The following TAL1 variants were observed in gnomAD, a reference collection of about 807,000 sequenced individuals.
TAL1 encodes T-cell acute lymphocytic leukemia protein 1.
Under a neutral mutation model 17.9 loss-of-function variants are expected in TAL1, and 8 were observed. The observed-to-expected ratio is 0.45, with a 90% CI of 0.26 to 0.81. The LOEUF is 0.81. Ranked by LOEUF, TAL1 falls within the 30% of genes least tolerant of loss-of-function variation. The probability of loss-of-function intolerance (pLI) is 0.17; values close to 1 mark genes in which losing one functional copy is unlikely to be tolerated. For synonymous variants in TAL1, 223 were observed against 218.6 expected, an observed-to-expected ratio of 1.02 and a Z score of -0.18; for missense variants, 466 against 486.9, an observed-to-expected ratio of 0.96 and a Z score of 0.40.
At chr1:47,220,763 A>G (rs1643773794) in intron 3 of TAL1, among the ~76,000 whole-genome samples, 2 of 152,220 alleles carry the variant, frequency 1.3e-5, no homozygotes, top group Admixed American at 1.3e-4. Context: ...TCCATGTATC[A>G]GTTTTTTGCT....
At chr1:47,230,357 A>AT (rs1643989469), upstream of TAL1, 1 of 152,196 alleles carries the variant, frequency 6.6e-6, no homozygotes, top group African/African-American at 2.4e-5. Context: ...GAAGTCTTGG[A>AT]TTAACTGCGA....
At chr1:47,220,313 A>G in intron 3 of TAL1, 139 bp from the exon 5 acceptor site, 2 of 1,348,806 alleles carry the variant, frequency 1.5e-6, no homozygotes, top group Non-Finnish European at 1.9e-6. Flanking sequence ...TTCAAATTCA[A>G]GTTCCTGTGC....
Position 47,217,815 on chromosome 1 carries a change from C to T in TAL1, c.*1905G>A, listed in dbSNP as rs191327744. ...ACGGTGAAGCAAACAGCCTTAGATC[C>T]TACAGCAATGACTCTATCTTTAGAC... On this transcript the variant is annotated 3_prime_UTR_variant, in exon 4 of 4. Coordinates refer to ENST00000294339, the Ensembl canonical transcript of TAL1. The T allele has an allele frequency of 1.9e-3, 743 of 398,498 alleles. 2 individuals are homozygous for T. The highest frequency in any genetic ancestry group is 6.9e-3 in the Middle Eastern group (11 of 1,586). The allele number at this position is 398,498 out of a possible 1,614,324, so 24.7% of individuals were successfully genotyped here.
exon 1 of TAL1, chr1:47,229,509 A>G (rs1027610331): frequency 5.8e-6 from 1 of 172,182 alleles, no homozygotes; most frequent in Non-Finnish European, 1.3e-5. Context: ...TCCGCCCCCA[A>G]CCTGCAGGTG....
chr1:47,226,355 G>C (rs924798193), intron 1 of TAL1: 1 of 156,370 alleles, frequency 6.4e-6, no homozygotes, highest in East Asian at 1.9e-4. Context: ...GCAGGGGTTC[G>C]TTGCTTTAGG....
chr1:47,226,210 A>C, intron 1 of TAL1: 1 of 360,068 alleles, frequency 2.8e-6, no homozygotes. Context: ...AGAAACACAG[A>C]AGGGGAAATC....
At chr1:47,221,275 C>T (rs1387404147) in intron 3 of TAL1, among the ~76,000 whole-genome samples, 3 of 152,206 alleles carry the variant, frequency 2.0e-5, no homozygotes, top group Non-Finnish European at 4.4e-5. Flanking sequence ...GAAGACACAG[C>T]TATGCACAGC....
rs774267136 is a variant in TAL1 at position 47,220,152 on chromosome 1, C to T, written c.564G>A (p.Arg188=). 3 of 1,580,830 alleles carry T rather than the reference C, an allele frequency of 1.9e-6. No individual in the cohort carries two copies. In the South Asian group the frequency reaches 3.4e-5, roughly 18 times the overall value. Reference sequence around the variant, plus strand: ...GCTCCCGGCTGTTGGTGAAGATACGCCGCACAACTTTGGTGTGGGGACCTG... The same window carrying T: ...GCTCCCGGCTGTTGGTGAAGATACGTCGCACAACTTTGGTGTGGGGACCTG... The change falls in exon 4 of 4, where the codon CGG becomes CGA. Residue 188 remains arginine (R), a synonymous_variant. Coordinates refer to ENST00000294339, the Ensembl canonical transcript of TAL1.
chr1:47,225,543 C>G, exon 2 of TAL1: 1 of 1,270,456 alleles, frequency 7.9e-7, no homozygotes, highest in East Asian at 3.2e-5. Context: ...ACCATGCGGC[C>G]GTCGCCGGGC....
At chr1:47,228,424 C>T (rs1205100878) in intron 1 of TAL1, 5 of 194,706 alleles carry the variant, frequency 2.6e-5, no homozygotes, top group Admixed American at 6.1e-5. Context: ...GAGTATTTGA[C>T]GACTACAGCT....
chr1:47,226,912 G>A (rs1360383458), intron 1 of TAL1, among the ~76,000 whole-genome samples: 1 of 152,172 alleles, frequency 6.6e-6, no homozygotes, highest in Admixed American at 6.5e-5. Flanking sequence ...TTGGGAAATG[G>A]GAGGAATACC....
intron 3 of TAL1, among the ~76,000 whole-genome samples, chr1:47,222,363 C>T (rs192672589): frequency 1.3e-5 from 2 of 152,248 alleles, no homozygotes; most frequent in East Asian, 3.9e-4. Flanking sequence ...GCTGGGTAAC[C>T]TCTCTCAGCC....
intron 3 of TAL1, among the ~76,000 whole-genome samples, chr1:47,221,822 C>G (rs568901924): frequency 6.6e-6 from 1 of 152,342 alleles, no homozygotes; most frequent in Non-Finnish European, 1.5e-5. Flanking sequence ...CCATGCCACA[C>G]TTACTGCCTG....
chr1:47,219,709 G>A, exon 4 of TAL1: 1 of 1,607,376 alleles, frequency 6.2e-7, no homozygotes, highest in Non-Finnish European at 8.5e-7. Context: ...GATCCTGGTG[G>A]CCCAGACCCA....
chr1:47,225,222 G>T (rs1288716289), intron 2 of TAL1, among the ~76,000 whole-genome samples: 2 of 152,108 alleles, frequency 1.3e-5, no homozygotes, highest in East Asian at 3.9e-4. Context: ...GCAGCCACAC[G>T]CACACTCTCT....
At chr1:47,218,590 C>G (rs977111944) in exon 4 of TAL1, 2 of 232,970 alleles carry the variant, frequency 8.6e-6, no homozygotes. Flanking sequence ...TAGCCAGGGC[C>G]TGGTCTCTGA....
At chr1:47,225,925 C>G (rs1237132500) in intron 1 of TAL1, 36 bp from the exon 3 acceptor site, 1 of 1,563,948 alleles carries the variant, frequency 6.4e-7, no homozygotes, top group Non-Finnish European at 8.6e-7. Context: ...GATGCCCGCT[C>G]TGACGACCGC....
chr1:47,226,080 G>C (rs541312271), intron 1 of TAL1, 191 bp from the exon 3 acceptor site: 9 of 516,344 alleles, frequency 1.7e-5, no homozygotes, highest in African/African-American at 1.4e-4. Context: ...GGGAGGGAAA[G>C]AGGGTCTCTG....
In TAL1 at chr1:47,218,384, A is replaced by G. The variant is rs1426156160; in HGVS notation, c.*1336T>C. Reference sequence around the variant, plus strand: ...CTACAAAAGGATTCTTCACTTTACAAAAGGACTTGCAGTGGTTATTTCTTT... The same window carrying G: ...CTACAAAAGGATTCTTCACTTTACAGAAGGACTTGCAGTGGTTATTTCTTT... On this transcript the variant is annotated 3_prime_UTR_variant, in exon 4 of 4. Transcript: ENST00000294339. 6 of 232,844 alleles carry G rather than the reference A, an allele frequency of 2.6e-5. No individual in the cohort carries two copies. In the East Asian group the frequency reaches 3.6e-4, roughly 14 times the overall value. 14.4% of individuals were successfully genotyped at this position (232,844 alleles called of 1,614,324 possible). A position where few individuals can be genotyped will look rare whatever the true frequency, so the allele number is the denominator to read the frequency against.
Sources: gnomAD v4.1 joint callset for allele counts (sites outside exome capture counted in the v4.1 genomes callset) on GRCh38, gnomAD v4.1.1 for gene constraint, MANE v1.5 for transcripts, NCBI Gene and HGNC (gene_info 2026-07-23, HGNC 2026-07-21) for gene names.